PACS1: variants seen among roughly 807,000 people sequenced by gnomAD.
The protein encoded by PACS1 is phosphofurin acidic cluster sorting protein 1, also known as PACS-1.
Under a neutral mutation model 115.0 loss-of-function variants are expected in PACS1, and 24 were observed. The observed-to-expected ratio is 0.21, with a 90% CI of 0.15 to 0.29. The LOEUF is 0.29. Ranked by LOEUF, PACS1 falls within the 10% of genes least tolerant of loss-of-function variation. The pLI, the probability that PACS1 is intolerant of heterozygous loss-of-function variation, is 1.00. For synonymous variants in PACS1, 453 were observed against 504.5 expected (o/e 0.90, Z 1.37); for missense variants, 838 against 1,251.2 (o/e 0.67, Z 4.98).
chr11:66,092,907 C>T (rs879704476), intron 1 of PACS1, among the ~76,000 whole-genome samples: 10 of 152,094 alleles, frequency 6.6e-5, no homozygotes, highest in South Asian at 2.1e-4. Context: ...CATGCTGTTT[C>T]GGTTACTGTA....
At chr11:66,205,065 A>G (rs547576860) in intron 2 of PACS1, among the ~76,000 whole-genome samples, 2 of 152,042 alleles carry the variant, frequency 1.3e-5, no homozygotes, top group East Asian at 3.9e-4. Context: ...GCTCACTGCA[A>G]CCTCCACCTC....
intron 1 of PACS1, among the ~76,000 whole-genome samples, chr11:66,094,931 A>G (rs1245881171): frequency 6.6e-6 from 1 of 151,310 alleles, no homozygotes; most frequent in Non-Finnish European, 1.5e-5. Context: ...TATAAACAGA[A>G]CCAAAGACAA....
intron 10 of PACS1, among the ~76,000 whole-genome samples, chr11:66,223,130 T>C (rs1321135185): frequency 6.6e-6 from 1 of 151,944 alleles, no homozygotes; most frequent in Non-Finnish European, 1.5e-5. Context: ...TTTGCTCTTA[T>C]CGCCCAGGCA....
Position 66,230,959 on chromosome 11 carries a change from A to G in PACS1, c.1626+19A>G. 4.3e-6 allele frequency: 7 copies of G among 1,613,444 alleles called. No homozygotes were observed. The highest frequency in any genetic ancestry group is 5.9e-6 in the Non-Finnish European group (7 of 1,179,958). ...CACGCAGGTACTTCTGGGTGCCCCC[A>G]AAACACCAGGACCCTCTGAGATTCC... On this transcript the variant is annotated intron_variant, in intron 13 of 23. Coordinates refer to ENST00000320580, the MANE Select transcript of PACS1 (RefSeq NM_018026.4).
At chr11:66,128,443 A>T (rs1858628115) in intron 1 of PACS1, among the ~76,000 whole-genome samples, 1 of 152,256 alleles carries the variant, frequency 6.6e-6, no homozygotes, top group African/African-American at 2.4e-5. Flanking sequence ...AGAATAGCCC[A>T]GGCAAGGGAG....
intron 1 of PACS1, among the ~76,000 whole-genome samples, chr11:66,175,718 T>A (rs115508060): frequency 6.6e-6 from 1 of 152,306 alleles, no homozygotes; most frequent in African/African-American, 2.4e-5. Context: ...TGTCACCTTC[T>A]CCAGGACCAA....
rs542284771 is a variant in PACS1 at position 66,087,768 on chromosome 11, C to A, written c.356+16926C>A. Among the ~76,000 whole-genome samples, 11 of 152,260 alleles carry A rather than the reference C, an allele frequency of 7.2e-5. No individual in the cohort carries two copies. The South Asian group carries it at 1.9e-3, about 26-fold the overall frequency. Reference sequence around the variant, plus strand: ...ATTCTTGTACATGTCTGTTGGTAGACCAAAGCACTCATTTCTCTGCAGTAT... The same window carrying A: ...ATTCTTGTACATGTCTGTTGGTAGAACAAAGCACTCATTTCTCTGCAGTAT... On this transcript the variant is annotated intron_variant, in intron 1 of 23. Coordinates refer to ENST00000320580, the MANE Select transcript of PACS1 (RefSeq NM_018026.4).
At chr11:66,095,858 T>C (rs991451522) in intron 1 of PACS1, among the ~76,000 whole-genome samples, 4 of 152,216 alleles carry the variant, frequency 2.6e-5, no homozygotes, top group Admixed American at 6.5e-5. Context: ...TATTATCTGG[T>C]GAATTCCAGC....
At chr11:66,222,170 A>G (rs1421260833) in intron 10 of PACS1, among the ~76,000 whole-genome samples, 1 of 152,106 alleles carries the variant, frequency 6.6e-6, no homozygotes, top group Non-Finnish European at 1.5e-5. Context: ...AGAGTGTGGC[A>G]TGGAGTGGGC....
chr11:66,239,320 G>T, intron 21 of PACS1, 43 bp downstream of exon 21: 1 of 1,574,818 alleles, frequency 6.3e-7, no homozygotes. Context: ...CCCTCCATCA[G>T]GCCCACCCGG....
intron 1 of PACS1, among the ~76,000 whole-genome samples, chr11:66,071,482 C>T (rs543622554): frequency 1.3e-5 from 2 of 152,346 alleles, no homozygotes; most frequent in Admixed American, 6.5e-5. Context: ...TATGAAATTA[C>T]TGCCTTGTTC....
intron 2 of PACS1, among the ~76,000 whole-genome samples, chr11:66,197,190 C>T (rs1025539543): frequency 1.3e-5 from 2 of 152,044 alleles, no homozygotes; most frequent in African/African-American, 2.4e-5. Context: ...CCAAGAGATG[C>T]AGGGTTAGTC....
At chr11:66,164,824 A>G (rs1394473046) in intron 1 of PACS1, among the ~76,000 whole-genome samples, 2 of 151,784 alleles carry the variant, frequency 1.3e-5, no homozygotes, top group African/African-American at 4.8e-5. Flanking sequence ...GTCCCCCTTC[A>G]CATCTCTTCC....
intron 1 of PACS1, among the ~76,000 whole-genome samples, chr11:66,107,024 C>G (rs1281601695): frequency 6.6e-6 from 1 of 152,192 alleles, no homozygotes; most frequent in African/African-American, 2.4e-5. Context: ...GAGAAGCCTA[C>G]TCCTTAAGGG....
At chr11:66,240,171 G>A (rs867392783) in intron 21 of PACS1, among the ~76,000 whole-genome samples, 6 of 152,242 alleles carry the variant, frequency 3.9e-5, no homozygotes, top group South Asian at 4.1e-4. Flanking sequence ...AGCTGGAGCC[G>A]GCGCGGGAGC....
At chr11:66,232,307 G>A in intron 14 of PACS1, 31 bp downstream of exon 14, 3 of 1,308,288 alleles carry the variant, frequency 2.3e-6, no homozygotes, top group Non-Finnish European at 2.2e-6. Flanking sequence ...GCCATGTGGG[G>A]TCCTGGAGGG....
chr11:66,079,028 C>T (rs1441240144), intron 1 of PACS1, among the ~76,000 whole-genome samples: 1 of 152,236 alleles, frequency 6.6e-6, no homozygotes, highest in African/African-American at 2.4e-5. Flanking sequence ...CAGCCTCAGC[C>T]TCCCAAGTAG....
Position 66,235,266 on chromosome 11 carries a change from A to G in PACS1, c.2105-35A>G, listed in dbSNP as rs1855682630. Reference sequence around the variant, plus strand: ...GTCTGCAGGTTTGCCAGCTGAAGTCAGTAGGCAGTTAGTGATCTCTTGGCT... The same window carrying G: ...GTCTGCAGGTTTGCCAGCTGAAGTCGGTAGGCAGTTAGTGATCTCTTGGCT... On this transcript the variant is annotated intron_variant, in intron 17 of 23. Coordinates refer to ENST00000320580, the MANE Select transcript of PACS1 (RefSeq NM_018026.4). This position sits in a 1 kb window ranked among gnomAD's most constrained non-coding sequence, Gnocchi z 5.6. 1 of 1,525,744 alleles carries G rather than the reference A, an allele frequency of 6.6e-7. No homozygotes were observed. Among genetic ancestry groups the G allele is most frequent in the African/African-American group, 1.4e-5 (1 of 73,182 alleles). 94.5% of individuals were successfully genotyped at this position (1,525,744 alleles called of 1,614,324 possible).
intron 1 of PACS1, among the ~76,000 whole-genome samples, chr11:66,103,990 T>G (rs748497596): frequency 8.7e-5 from 13 of 150,074 alleles, no homozygotes; most frequent in Non-Finnish European, 1.5e-4. Context: ...ATCACATTTC[T>G]TTTGTAATAA....
Sources: gnomAD v4.1 joint callset for allele counts (sites outside exome capture counted in the v4.1 genomes callset) on GRCh38, gnomAD v4.1.1 for gene constraint, Gnocchi (gnomAD v3.1) non-coding constraint, MANE v1.5 for transcripts, NCBI Gene and HGNC (gene_info 2026-07-23, HGNC 2026-07-21) for gene names.